Variants in DLG2 observed in about 807,000 individuals in gnomAD.
The protein encoded by DLG2 is discs large MAGUK scaffold protein 2, also known as disks large homolog 2.
A neutral mutation model predicts 132.5 loss-of-function variants in DLG2; 45 were observed. The ratio of observed to expected loss-of-function variants is 0.34; its 90% CI spans 0.27 to 0.44. DLG2 has a LOEUF of 0.44. DLG2 is among the 20% of genes least tolerant of loss of function. The pLI is 1.00. For missense variants in DLG2, 1,045 were observed against 1,196.9 expected, an observed-to-expected ratio of 0.87 and a Z score of 1.87; for synonymous variants, 424 against 419.6, an observed-to-expected ratio of 1.01 and a Z score of -0.13.
At chr11:85,067,473 T>C (rs1253508114) in intron 6 of DLG2, among the ~76,000 whole-genome samples, 1 of 151,882 alleles carries the variant, frequency 6.6e-6, no homozygotes, top group Non-Finnish European at 1.5e-5. Flanking sequence ...CTTTCTCTTG[T>C]GGGTATTTAG....
intron 18 of DLG2, among the ~76,000 whole-genome samples, chr11:83,747,631 CAT>C (rs2093015995): frequency 6.6e-6 from 1 of 152,146 alleles, no homozygotes; most frequent in African/African-American, 2.4e-5. Context: ...ACTATCCACA[CAT>C]CTTGGCCTTC....
chr11:84,435,871 A>C (rs943767722), intron 7 of DLG2, among the ~76,000 whole-genome samples: 2 of 152,106 alleles, frequency 1.3e-5, no homozygotes, highest in African/African-American at 4.8e-5. Context: ...CTTTCTTTGC[A>C]TACTAATTTG....
At chr11:84,924,797 C>CCTAG (rs1245543732) in intron 6 of DLG2, among the ~76,000 whole-genome samples, 1 of 152,070 alleles carries the variant, frequency 6.6e-6, no homozygotes, top group African/African-American at 2.4e-5. Flanking sequence ...GTCTTAGGAG[C>CCTAG]CTAGGTAATT....
intron 6 of DLG2, among the ~76,000 whole-genome samples, chr11:84,866,267 T>C (rs1420466205): frequency 6.6e-6 from 1 of 152,138 alleles, no homozygotes; most frequent in East Asian, 1.9e-4. Flanking sequence ...AGTATGTGTC[T>C]GTCCCTTCCA....
chr11:84,160,324 T>C (rs889812364), intron 9 of DLG2, among the ~76,000 whole-genome samples: 2 of 152,134 alleles, frequency 1.3e-5, no homozygotes, highest in African/African-American at 4.8e-5. Context: ...TGTTTTGTCC[T>C]GGAAGTTAAA....
chr11:85,224,759 A>C (rs1329324180), intron 4 of DLG2, among the ~76,000 whole-genome samples: 2 of 152,190 alleles, frequency 1.3e-5, no homozygotes, highest in African/African-American at 4.8e-5. Flanking sequence ...AAAGAGTTTA[A>C]AAGAGCAAGA....
intron 7 of DLG2, among the ~76,000 whole-genome samples, chr11:84,513,291 T>C (rs1003811293): frequency 1.3e-5 from 2 of 151,940 alleles, no homozygotes; most frequent in Non-Finnish European, 2.9e-5. Context: ...GAAATTCCTA[T>C]AAAAATACCA....
At chr11:85,428,672 G>C (rs1202673365) in intron 3 of DLG2, among the ~76,000 whole-genome samples, 1 of 152,210 alleles carries the variant, frequency 6.6e-6, no homozygotes, top group African/African-American at 2.4e-5. Flanking sequence ...ACAAGAGAAA[G>C]AAGGAAAGAT....
At chr11:84,623,276 A>C (rs762037056) in intron 6 of DLG2, among the ~76,000 whole-genome samples, 1 of 152,036 alleles carries the variant, frequency 6.6e-6, no homozygotes. Flanking sequence ...ACCTTTTTTC[A>C]AGAGGGAAAC....
intron 14 of DLG2, among the ~76,000 whole-genome samples, chr11:83,939,803 C>T (rs1182885847): frequency 2.0e-5 from 3 of 152,146 alleles, no homozygotes; most frequent in Non-Finnish European, 4.4e-5. Flanking sequence ...GCCAATTTTA[C>T]ATTACTAAGA....
intron 22 of DLG2, among the ~76,000 whole-genome samples, chr11:83,475,849 A>G (rs2092567735): frequency 6.6e-6 from 1 of 152,020 alleles, no homozygotes; most frequent in South Asian, 2.1e-4. Context: ...ACTTCAAAAT[A>G]ACAGCTGACA....
At chr11:85,081,083 T>C (rs1239465012) in intron 6 of DLG2, among the ~76,000 whole-genome samples, 2 of 152,134 alleles carry the variant, frequency 1.3e-5, no homozygotes, top group African/African-American at 2.4e-5. Context: ...AAACAGGAAT[T>C]ATTTTGATAA....
chr11:84,657,378 T>C (rs527898074), intron 6 of DLG2, among the ~76,000 whole-genome samples: 2 of 152,240 alleles, frequency 1.3e-5, no homozygotes, highest in East Asian at 1.9e-4. Context: ...CAAAGAGCCA[T>C]AGCCATGGGA....
Position 84,686,632 on chromosome 11 carries a change from T to TTTG in DLG2, c.358-151902_358-151901insCAA, listed in dbSNP as rs535050679. 1.7e-3 allele frequency among the ~76,000 whole-genome samples: 105 copies of TTTG among 61,196 alleles called. 1 individual carries two copies. Among genetic ancestry groups the TTTG allele is most frequent in the African/African-American group, 7.1e-3 (94 of 13,328 alleles). The allele number at this position is 61,196 out of a possible 152,430, so 40.1% of individuals were successfully genotyped here. On this transcript the variant is annotated intron_variant, in intron 6 of 27. Transcript: ENST00000376104. Reference sequence around the variant, plus strand: ...AAATTCTTTCAACTGGCCTTGAGGTTTTTTTTTTTTTTTTTTTTTTATGCT... The same window carrying TTTG: ...AAATTCTTTCAACTGGCCTTGAGGTTTTGTTTTTTTTTTTTTTTTTTTTATGCT...
chr11:84,644,908 A>G (rs1565543585), intron 6 of DLG2, among the ~76,000 whole-genome samples: 1 of 152,126 alleles, frequency 6.6e-6, no homozygotes, highest in Admixed American at 6.5e-5. Context: ...AAGACACACA[A>G]ATTCTCTTGA....
intron 7 of DLG2, among the ~76,000 whole-genome samples, chr11:84,393,078 T>G (rs915730564): frequency 1.3e-5 from 2 of 152,188 alleles, no homozygotes; most frequent in African/African-American, 4.8e-5. Flanking sequence ...GTGTGAGCTA[T>G]AATGTGTATT....
intron 3 of DLG2, among the ~76,000 whole-genome samples, chr11:85,496,410 G>T (rs1412055465): frequency 1.3e-5 from 2 of 152,172 alleles, no homozygotes; most frequent in Non-Finnish European, 2.9e-5. Flanking sequence ...TAACAAAGTG[G>T]CAGGGAAGCT....
intron 4 of DLG2, among the ~76,000 whole-genome samples, chr11:85,263,620 A>C (rs2077054928): frequency 6.6e-6 from 1 of 152,202 alleles, no homozygotes; most frequent in Admixed American, 6.5e-5. Flanking sequence ...AAGACTGGAA[A>C]GAAAAGTAAA....
At position 83,651,981 on chromosome 11, in the gene DLG2, A is replaced by T. The variant is rs41298111; in HGVS notation, c.1826-18656T>A. 3,572 of 433,866 alleles carry T rather than the reference A, an allele frequency of 8.2e-3. 22 individuals carry two copies. Among genetic ancestry groups the T allele is most frequent in the Non-Finnish European group, 0.011 (2,353 of 208,752 alleles). 26.9% of individuals were successfully genotyped at this position (433,866 alleles called of 1,614,324 possible). ...ACCTGAAATCTACACACTTAAATTC[A>T]GCCTGTGTTGGTCTAATCAAATTTG... On this transcript the variant is annotated intron_variant, in intron 18 of 27. Coordinates refer to ENST00000376104, the MANE Select transcript of DLG2 (RefSeq NM_001142699.3).
Sources: gnomAD v4.1 joint callset for allele counts (sites outside exome capture counted in the v4.1 genomes callset) on GRCh38, gnomAD v4.1.1 for gene constraint, MANE v1.5 for transcripts, NCBI Gene and HGNC (gene_info 2026-07-23, HGNC 2026-07-21) for gene names.